The following COL25A1 variants were observed in gnomAD, a reference collection of about 807,000 sequenced individuals.
COL25A1 encodes the protein collagen type XXV alpha 1 chain, also known as collagen alpha-1(XXV) chain.
A neutral mutation model predicts 128.4 loss-of-function variants in COL25A1; 103 were observed. The observed-to-expected ratio is 0.80, with a 90% CI of 0.68 to 0.94. The LOEUF is 0.94. Among genes scored for constraint, COL25A1 ranks in the 40% least tolerant of loss-of-function variants. The pLI is 0.00. For synonymous variants in COL25A1, 279 were observed against 277.2 expected, an observed-to-expected ratio of 1.01 and a Z score of -0.06; for missense variants, 745 against 840.0, an observed-to-expected ratio of 0.89 and a Z score of 1.40.
At chr4:108,966,119 A>G (rs1751266447) in intron 8 of COL25A1, among the ~76,000 whole-genome samples, 1 of 152,174 alleles carries the variant, frequency 6.6e-6, no homozygotes, top group Admixed American at 6.6e-5. Context: ...GGGGGCCAAC[A>G]TTGCCCTGCC....
At chr4:108,861,055 G>A (rs1298737230) in intron 22 of COL25A1, 84 bp from the exon 23 acceptor site, 3 of 1,144,538 alleles carry the variant, frequency 2.6e-6, no homozygotes, top group Non-Finnish European at 4.0e-6. Flanking sequence ...ATGCCATACA[G>A]AAGCACCTTT....
intron 20 of COL25A1, 112 bp downstream of exon 20, chr4:108,868,976 A>G: frequency 1.6e-6 from 1 of 642,326 alleles, no homozygotes; most frequent in Non-Finnish European, 2.7e-6. Flanking sequence ...AAGAAAGGAA[A>G]GGAAGAAAGA....
chr4:108,942,095 T>G, intron 8 of COL25A1: 22 of 983,368 alleles, frequency 2.2e-5, no homozygotes, highest in Non-Finnish European at 2.9e-5. Flanking sequence ...CCCAGTAACT[T>G]GATATATACC....
At chr4:109,292,607 T>G (rs1387841224) in intron 3 of COL25A1, among the ~76,000 whole-genome samples, 1 of 152,006 alleles carries the variant, frequency 6.6e-6, no homozygotes, top group African/African-American at 2.4e-5. Flanking sequence ...ATGAGACCGC[T>G]TATCTGGGAA....
chr4:108,924,191 CAA>C (rs1745778105), intron 11 of COL25A1, among the ~76,000 whole-genome samples: 1 of 152,048 alleles, frequency 6.6e-6, no homozygotes, highest in Non-Finnish European at 1.5e-5. Context: ...GATAAAAACT[CAA>C]AGAGTCACTG....
chr4:109,161,916 A>G (rs1245117386), intron 3 of COL25A1, among the ~76,000 whole-genome samples: 6 of 152,196 alleles, frequency 3.9e-5, no homozygotes, highest in Non-Finnish European at 5.9e-5. Flanking sequence ...AGTTCACTCC[A>G]AATCTCAGGC....
chr4:108,869,677 C>T lies in COL25A1; in HGVS notation c.1021-527G>A, dbSNP rs115971249. On this transcript the variant is annotated intron_variant, in intron 19 of 37. Transcript: ENST00000399132. ...GGTGTTGGAAAATACTTGAGATGAG[C>T]GTTCACATTAGCTTGACTATCCATA... Among the ~76,000 whole-genome samples, 301 of 152,076 alleles carry T rather than the reference C, an allele frequency of 2.0e-3. 1 individual carries two copies. The highest frequency in any genetic ancestry group is 7.0e-3 in the African/African-American group (290 of 41,486).
intron 8 of COL25A1, among the ~76,000 whole-genome samples, chr4:108,960,808 G>A (rs917358345): frequency 1.3e-5 from 2 of 152,040 alleles, no homozygotes. Flanking sequence ...TCTTGAAAAC[G>A]TGTGTGGACT....
At chr4:109,136,621 T>C (rs1269830771) in intron 3 of COL25A1, among the ~76,000 whole-genome samples, 1 of 152,076 alleles carries the variant, frequency 6.6e-6, no homozygotes, top group Non-Finnish European at 1.5e-5. Flanking sequence ...ACTGAAAAGG[T>C]TGATTTGCCT....
chr4:109,277,228 T>C (rs1026694257), intron 3 of COL25A1, among the ~76,000 whole-genome samples: 2 of 152,292 alleles, frequency 1.3e-5, no homozygotes, highest in South Asian at 2.1e-4. Flanking sequence ...CTAAAAGGGA[T>C]GATTAAAAAC....
chr4:108,892,191 T>C (rs562003288), intron 16 of COL25A1, among the ~76,000 whole-genome samples: 1 of 152,294 alleles, frequency 6.6e-6, no homozygotes, highest in South Asian at 2.1e-4. Flanking sequence ...AAACCCCAAC[T>C]GCGTCTTAAG....
intron 11 of COL25A1, among the ~76,000 whole-genome samples, chr4:108,931,874 A>G (rs924001784): frequency 2.6e-5 from 4 of 152,188 alleles, no homozygotes; most frequent in Admixed American, 6.5e-5. Context: ...TGCCATTTAT[A>G]TGTACTTCAT....
chr4:109,019,365 CACACACACACATATAT>C (rs1460274116), intron 5 of COL25A1, among the ~76,000 whole-genome samples: 19 of 8,544 alleles, frequency 2.2e-3, no homozygotes, highest in African/African-American at 0.021. Context: ...CACACACACA[CACACACACACATATAT>C]ATATATATAT....
chr4:108,960,470 G>A (rs1014241334), intron 8 of COL25A1, among the ~76,000 whole-genome samples: 1 of 151,952 alleles, frequency 6.6e-6, no homozygotes, highest in African/African-American at 2.4e-5. Context: ...TTATGCCAGT[G>A]GTTTAAAATC....
At chr4:109,286,544 A>G (rs890617694) in intron 3 of COL25A1, among the ~76,000 whole-genome samples, 11 of 152,018 alleles carry the variant, frequency 7.2e-5, no homozygotes, top group African/African-American at 2.4e-4. Flanking sequence ...TTTTTTATTC[A>G]CTGGGAATAA....
intron 5 of COL25A1, among the ~76,000 whole-genome samples, chr4:109,025,737 A>G (rs1361177333): frequency 3.9e-5 from 6 of 152,206 alleles, no homozygotes; most frequent in African/African-American, 1.2e-4. Context: ...GCTGAATCGT[A>G]ATAGCTACCA....
At chr4:109,236,560 C>A (rs535602742) in intron 3 of COL25A1, among the ~76,000 whole-genome samples, 43 of 152,134 alleles carry the variant, frequency 2.8e-4, no homozygotes, top group African/African-American at 9.9e-4. Context: ...ATATTATGTT[C>A]AATCTATAAG....
At chr4:109,109,361 A>G (rs566269284) in intron 3 of COL25A1, among the ~76,000 whole-genome samples, 1 of 152,178 alleles carries the variant, frequency 6.6e-6, no homozygotes, top group South Asian at 2.1e-4. Flanking sequence ...AGTTCTGGAG[A>G]ATATATATTT....
At chr4:109,052,729 GAC>G (rs949864067) in intron 3 of COL25A1, among the ~76,000 whole-genome samples, 31 of 152,198 alleles carry the variant, frequency 2.0e-4, no homozygotes, top group African/African-American at 6.7e-4. Context: ...TGAATTTAAA[GAC>G]AAAAAGAATA....
Sources: allele counts gnomAD v4.1 joint callset (sites outside exome capture counted in the v4.1 genomes callset), GRCh38; gene constraint gnomAD v4.1.1; transcripts MANE v1.5; gene names NCBI Gene and HGNC (gene_info 2026-07-23, HGNC 2026-07-21).